EML5: variants seen among roughly 807,000 people sequenced by gnomAD.
EML5 encodes EMAP like 5.
Under a neutral mutation model 250.0 loss-of-function variants are expected in EML5, and 120 were observed. That is an observed-to-expected ratio of 0.48 (90% CI 0.41 to 0.56). EML5 has a LOEUF of 0.56. EML5 is among the 20% of genes least tolerant of loss of function. The pLI is 0.00. For missense variants in EML5, 2,006 were observed against 2,437.6 expected (o/e 0.82, Z 3.73); for synonymous variants, 771 against 806.5 (o/e 0.96, Z 0.75).
intron 35 of EML5, 72 bp downstream of exon 35, chr14:88,626,766 T>C: frequency 1.4e-6 from 2 of 1,454,442 alleles, no homozygotes; most frequent in South Asian, 1.2e-5. Flanking sequence ...ACAACATTCA[T>C]GTGGCTGATG....
At chr14:88,725,732 A>T (rs1427889259) in intron 8 of EML5, among the ~76,000 whole-genome samples, 2 of 152,210 alleles carry the variant, frequency 1.3e-5, no homozygotes, top group East Asian at 3.8e-4. Context: ...AACAGGAGGT[A>T]AGAAGATCAG....
chr14:88,747,816 G>C (rs1047969539), intron 2 of EML5, among the ~76,000 whole-genome samples: 2 of 152,134 alleles, frequency 1.3e-5, no homozygotes, highest in African/African-American at 4.8e-5. Context: ...GAAAGTATGA[G>C]AGAGGTTTAA....
chr14:88,699,035 G>A lies in EML5; in HGVS notation c.2239-2083C>T, dbSNP rs527790040. Among the ~76,000 whole-genome samples, 4 of 152,232 alleles carry A rather than the reference G, an allele frequency of 2.6e-5. No homozygotes were observed. In the South Asian group the frequency reaches 8.3e-4, roughly 32 times the overall value. ...TGGATTTCAATATCACATTCCATGA[G>A]GTATAGACAGTATTTAGTATAATAT... On this transcript the variant is annotated intron_variant, in intron 14 of 43. Coordinates refer to ENST00000554922, the MANE Select transcript of EML5 (RefSeq NM_183387.3).
At chr14:88,717,949 A>C (rs2093527324) in intron 8 of EML5, among the ~76,000 whole-genome samples, 1 of 152,248 alleles carries the variant, frequency 6.6e-6, no homozygotes. Context: ...GGTTAAAGAT[A>C]TAATTCTAAT....
At chr14:88,660,113 A>C (rs926539440) in intron 25 of EML5, among the ~76,000 whole-genome samples, 8 of 151,450 alleles carry the variant, frequency 5.3e-5, no homozygotes, top group Non-Finnish European at 8.8e-5. Flanking sequence ...CCATCTCTAC[A>C]AAAAAAAATT....
chr14:88,715,888 T>C (rs1459376148), intron 8 of EML5, among the ~76,000 whole-genome samples: 3 of 152,088 alleles, frequency 2.0e-5, no homozygotes, highest in African/African-American at 7.2e-5. Flanking sequence ...TGTTGACCAG[T>C]GAAGTGGAAC....
intron 14 of EML5, among the ~76,000 whole-genome samples, chr14:88,699,051 A>G (rs949143046): frequency 1.3e-5 from 2 of 152,204 alleles, no homozygotes; most frequent in Admixed American, 6.5e-5. Context: ...GACAGTATTT[A>G]GTATAATATT....
At chr14:88,751,576 A>G (rs921708075) in intron 2 of EML5, among the ~76,000 whole-genome samples, 8 of 151,786 alleles carry the variant, frequency 5.3e-5, no homozygotes, top group Non-Finnish European at 8.8e-5. Context: ...TTAAATGTAG[A>G]AAATGGAATA....
chr14:88,741,799 A>G (rs1317522913), intron 4 of EML5, among the ~76,000 whole-genome samples: 1 of 152,210 alleles, frequency 6.6e-6, no homozygotes, highest in Admixed American at 6.5e-5. Flanking sequence ...GCCCAAAGAA[A>G]AAATTCAACT....
intron 36 of EML5, chr14:88,624,040 G>T (rs567715395): frequency 6.6e-6 from 1 of 152,212 alleles, no homozygotes; most frequent in South Asian, 2.1e-4. Context: ...GTATTGAAAT[G>T]TACTTCTTAG....
intron 2 of EML5, among the ~76,000 whole-genome samples, chr14:88,750,002 G>A (rs1032566204): frequency 6.6e-6 from 1 of 152,146 alleles, no homozygotes; most frequent in African/African-American, 2.4e-5. Flanking sequence ...AGTTTTACTG[G>A]AATATAGCCA....
intron 1 of EML5, among the ~76,000 whole-genome samples, chr14:88,772,235 C>CT (rs1223980280): frequency 1.3e-5 from 2 of 152,218 alleles, no homozygotes; most frequent in Non-Finnish European, 2.9e-5. Context: ...CTGCTACAAT[C>CT]TTAATCTGAA....
chr14:88,652,896 C>A (rs953667108), intron 27 of EML5, among the ~76,000 whole-genome samples: 1 of 152,138 alleles, frequency 6.6e-6, no homozygotes, highest in Non-Finnish European at 1.5e-5. Flanking sequence ...GGCAGTATGG[C>A]CATTTTCACG....
intron 39 of EML5, 159 bp from the exon 40 acceptor site, chr14:88,618,971 C>A: frequency 1.8e-6 from 1 of 562,096 alleles, no homozygotes; most frequent in East Asian, 3.1e-5. Flanking sequence ...CTGAGATTGT[C>A]TGGGTTACAT....
At chr14:88,636,418 T>G (rs758148053) in intron 32 of EML5, among the ~76,000 whole-genome samples, 1 of 152,144 alleles carries the variant, frequency 6.6e-6, no homozygotes, top group Non-Finnish European at 1.5e-5. Context: ...ATCCCAGCAC[T>G]TTGGGAAGCC....
Position 88,694,340 on chromosome 14 carries a change from C to A in EML5, c.2506G>T (p.Gly836Ter). 6.3e-7 allele frequency: 1 copy of A among 1,593,450 alleles called. No individual in the cohort carries two copies. The highest frequency in any genetic ancestry group is 8.6e-7 in the Non-Finnish European group (1 of 1,169,196). Reference protein sequence around the residue: ...PYVPDKLITAGIKHMKFWRKA... With the variant: ...PYVPDKLITA The stretch of plus-strand genomic sequence containing the variant: ...CGCCAAAATTTCATGTGTTTAATTC[C>A]AGCTGTAATTAGTTTATCAGGCACA... The change falls in exon 17 of 44, where the codon GGA (glycine) becomes TGA (stop). Residue 836 changes from glycine (G) to a stop codon, truncating the protein, a stop_gained. Coordinates refer to ENST00000554922, the MANE Select transcript of EML5 (RefSeq NM_183387.3). LOFTEE classifies it high-confidence loss of function.
chr14:88,657,596 T>C, intron 26 of EML5, 94 bp from the exon 27 acceptor site: 2 of 1,257,206 alleles, frequency 1.6e-6, no homozygotes, highest in Middle Eastern at 4.8e-4. Flanking sequence ...CAATATGAAA[T>C]AAATTAAGTT....
intron 1 of EML5, among the ~76,000 whole-genome samples, chr14:88,760,179 G>T (rs763823421): frequency 4.6e-5 from 7 of 152,018 alleles, no homozygotes; most frequent in Admixed American, 1.3e-4. Flanking sequence ...TTTTTATGAA[G>T]TCTATCTAGT....
At chr14:88,676,927 CAG>C (rs1263916736) in intron 21 of EML5, among the ~76,000 whole-genome samples, 2 of 152,136 alleles carry the variant, frequency 1.3e-5, no homozygotes, top group Non-Finnish European at 2.9e-5. Context: ...TTTTCTGAGA[CAG>C]AGTCTTGCTC....
Sources: allele counts gnomAD v4.1 joint callset (sites outside exome capture counted in the v4.1 genomes callset), GRCh38; gene constraint gnomAD v4.1.1; transcripts MANE v1.5; gene names NCBI Gene and HGNC (gene_info 2026-07-23, HGNC 2026-07-21).